Variants in RAB36 observed in about 807,000 individuals in gnomAD.
The protein encoded by RAB36 is ras-related protein Rab-36.
A neutral mutation model predicts 39.3 loss-of-function variants in RAB36; 33 were observed. The ratio of observed to expected loss-of-function variants is 0.84; its 90% CI spans 0.64 to 1.12. The LOEUF is 1.12. Ranked by LOEUF, RAB36 falls within the 50% of genes most tolerant of loss-of-function variation. The pLI is 0.00. For missense variants in RAB36, 308 were observed against 355.3 expected, an observed-to-expected ratio of 0.87 and a Z score of 1.07; for synonymous variants, 133 against 140.2, an observed-to-expected ratio of 0.95 and a Z score of 0.36.
chr22:23,152,562 C>T, intron 4 of RAB36, 36 bp downstream of exon 4: 3 of 1,597,396 alleles, frequency 1.9e-6, no homozygotes, highest in Non-Finnish European at 2.6e-6. Flanking sequence ...GCCACCTCCC[C>T]CAGCACCAGG....
chr22:23,150,392 C>T (rs1412309277), intron 3 of RAB36, among the ~76,000 whole-genome samples: 1 of 151,212 alleles, frequency 6.6e-6, no homozygotes, highest in East Asian at 2.0e-4. Flanking sequence ...AGCTCTGCCT[C>T]CCGGGTTCAT....
At chr22:23,145,337 G>A (rs2070701122), upstream of RAB36, 6 of 1,378,876 alleles carry the variant, frequency 4.4e-6, no homozygotes, top group South Asian at 2.3e-5. Flanking sequence ...TGCCAGCCCC[G>A]CCCAGACTCC....
Position 23,165,175 on chromosome 22 carries a change from A to G in RAB36, c.*3611A>G, listed in dbSNP as rs2072015405. ...CTAGCACCTCTGGGAGGAAGGGCCC[A>G]CAGTAGGTGCTCAATAGATGTGTAA... On this transcript the variant is annotated 3_prime_UTR_variant, in exon 11 of 11. Transcript: ENST00000263116. 6.6e-6 allele frequency among the ~76,000 whole-genome samples: 1 copy of G among 152,212 alleles called. No individual in the cohort carries two copies. Among genetic ancestry groups the G allele is most frequent in the South Asian group, 2.1e-4 (1 of 4,828 alleles).
chr22:23,158,953 C>A lies in RAB36; in HGVS notation c.502C>A (p.Leu168Ile). The change falls in exon 8 of 11, where the codon CTC becomes ATC. Residue 168 changes from leucine to isoleucine, a missense_variant. By Grantham distance (5) the Leu-to-Ile change is conservative. Transcript: ENST00000263116. ...CGAGGCAGGCTCCTGCTTCATCTTC[C>A]TCGTGGGAACCAAGAAGGACCTTCT... ...ENEAGSCFIFLVGTKKDLLSG... is the reference protein window; with the variant it reads ...ENEAGSCFIFIVGTKKDLLSG... 6.2e-7 allele frequency: 1 copy of A among 1,614,202 alleles called. No individual in the cohort carries two copies. The highest frequency in any genetic ancestry group is 8.5e-7 in the Non-Finnish European group (1 of 1,180,014).
At chr22:23,166,971 T>G (rs547722713), downstream of RAB36, among the ~76,000 whole-genome samples, 3 of 152,248 alleles carry the variant, frequency 2.0e-5, 1 homozygote, top group East Asian at 5.8e-4. Flanking sequence ...GAAGCTCGTT[T>G]AACCACAGCA....
intron 3 of RAB36, 100 bp from the exon 4 acceptor site, chr22:23,152,361 G>T (rs796676725): frequency 4.1e-6 from 5 of 1,214,872 alleles, no homozygotes; most frequent in African/African-American, 3.0e-5. Context: ...GGAGTGAGGG[G>T]TGTCTCACCA....
Position 23,146,663 on chromosome 22 carries a change from G to C in RAB36, c.47G>C (p.Arg16Pro). Residue 16 changes from arginine to proline, a missense_variant, in exon 2 of 11, where the codon CGT becomes CCT. Physicochemically the swap from Arg to Pro is moderately radical, Grantham distance 103. Transcript: ENST00000263116. ...TPLGPPVSRD[R>P]VIASFPKWYT... ...TTGGGGCCCCCTGTGAGCCGCGACC[G>C]TGTCATCGCCAGCTTCCCTAAGGTA... The C allele has an allele frequency of 6.2e-7, 1 of 1,613,980 alleles. No individual in the cohort carries two copies. The highest frequency in any genetic ancestry group is 8.5e-7 in the Non-Finnish European group (1 of 1,179,938).
chr22:23,166,366 G>A (rs1320836909), downstream of RAB36, among the ~76,000 whole-genome samples: 1 of 143,012 alleles, frequency 7.0e-6, no homozygotes, highest in Non-Finnish European at 1.5e-5. Context: ...ATATGGGGGG[G>A]TGGGGTGCAA....
At chr22:23,148,054 A>G (rs186470392) in intron 2 of RAB36, among the ~76,000 whole-genome samples, 4 of 152,270 alleles carry the variant, frequency 2.6e-5, no homozygotes, top group African/African-American at 9.6e-5. Flanking sequence ...GATCCTCTCC[A>G]TGGAATGGCC....
chr22:23,165,018 C>G lies in RAB36; in HGVS notation c.*3454C>G, dbSNP rs2072009015. ...GACACCCCTACTCCCAGAGAGGCCT[C>G]TGTGGACACCCCCACAGCTCTCGCA... On this transcript the variant is annotated 3_prime_UTR_variant, in exon 11 of 11. Coordinates refer to ENST00000263116, the MANE Select transcript of RAB36 (RefSeq NM_004914.5). Among the ~76,000 whole-genome samples the G allele has an allele frequency of 6.6e-6, 1 of 152,096 alleles. No homozygotes were observed. Among genetic ancestry groups the G allele is most frequent in the Non-Finnish European group, 1.5e-5 (1 of 68,006 alleles).
chr22:23,168,413 C>T (rs1017115094), downstream of RAB36, among the ~76,000 whole-genome samples: 3 of 152,180 alleles, frequency 2.0e-5, no homozygotes, highest in Admixed American at 6.5e-5. Context: ...GAGGAAGAAA[C>T]TCACAGCACA....
Position 23,162,481 on chromosome 22 carries a change from C to T in RAB36, c.*917C>T. 2 of 384,480 alleles carry T rather than the reference C, an allele frequency of 5.2e-6. No homozygotes were observed. The highest frequency in any genetic ancestry group is 1.1e-5 in the Non-Finnish European group (2 of 187,542). The allele number at this position is 384,480 out of a possible 1,614,324, so 23.8% of individuals were successfully genotyped here. Reference sequence around the variant, plus strand: ...TCATTGGCCTATACATCTCTTAGGACCTTTGTAATGGTGTCCATGCACCTT... The same window carrying T: ...TCATTGGCCTATACATCTCTTAGGATCTTTGTAATGGTGTCCATGCACCTT... On this transcript the variant is annotated 3_prime_UTR_variant, in exon 11 of 11. Coordinates refer to ENST00000263116, the MANE Select transcript of RAB36 (RefSeq NM_004914.5).
At chr22:23,150,675 G>C (rs998062393) in intron 3 of RAB36, among the ~76,000 whole-genome samples, 1 of 152,092 alleles carries the variant, frequency 6.6e-6, no homozygotes, top group Non-Finnish European at 1.5e-5. Context: ...TCTAAGTCAC[G>C]CAGGTGATTT....
chr22:23,168,123 G>T (rs11704087), downstream of RAB36, among the ~76,000 whole-genome samples: 344 of 152,196 alleles, frequency 2.3e-3, 2 homozygotes, highest in Non-Finnish European at 3.3e-3. Context: ...TTCTGGCCCA[G>T]CCCTTTGCAT....
chr22:23,146,072 A>G, intron 1 of RAB36: 1 of 956,214 alleles, frequency 1.0e-6, no homozygotes, highest in Non-Finnish European at 1.2e-6. Flanking sequence ...ACACCTGTCA[A>G]GGGGAGACCC....
At chr22:23,166,916 G>A (rs1001553143), downstream of RAB36, among the ~76,000 whole-genome samples, 4 of 152,088 alleles carry the variant, frequency 2.6e-5, no homozygotes, top group South Asian at 4.2e-4. Context: ...CCACATTTAT[G>A]GAGCACGCTC....
chr22:23,155,675 T>C (rs549446480), intron 5 of RAB36, among the ~76,000 whole-genome samples: 13 of 152,364 alleles, frequency 8.5e-5, no homozygotes, highest in African/African-American at 2.6e-4. Flanking sequence ...TCCATTTTAA[T>C]GTCTCAGTCA....
intron 9 of RAB36, among the ~76,000 whole-genome samples, chr22:23,159,515 G>C (rs778100679): frequency 6.6e-6 from 1 of 152,250 alleles, no homozygotes; most frequent in African/African-American, 2.4e-5. Flanking sequence ...GTGTCATGCC[G>C]TGCTGGCCTG....
chr22:23,151,701 A>T (rs2071137365), intron 3 of RAB36, among the ~76,000 whole-genome samples: 1 of 152,172 alleles, frequency 6.6e-6, no homozygotes, highest in South Asian at 2.1e-4. Context: ...CCTGGGCAAC[A>T]CAGCGAGACC....
Sources: allele counts gnomAD v4.1 joint callset (sites outside exome capture counted in the v4.1 genomes callset), GRCh38; gene constraint gnomAD v4.1.1; transcripts MANE v1.5; gene names NCBI Gene and HGNC (gene_info 2026-07-23, HGNC 2026-07-21).